ZEB2: variants seen among roughly 807,000 people sequenced by gnomAD.
ZEB2 encodes zinc finger E-box-binding homeobox 2.
A neutral mutation model predicts 99.9 loss-of-function variants in ZEB2; 6 were observed. The ratio of observed to expected loss-of-function variants is 0.06; its 90% CI spans 0.03 to 0.12. ZEB2 has a LOEUF of 0.12. ZEB2 is among the 10% of genes least tolerant of loss of function. The pLI is 1.00. For missense variants in ZEB2, 969 were observed against 1,502.8 expected (o/e 0.64, Z 5.87); for synonymous variants, 517 against 542.5 (o/e 0.95, Z 0.65).
At chr2:144,454,150 T>C (rs1704090114) in intron 2 of ZEB2, among the ~76,000 whole-genome samples, 1 of 152,238 alleles carries the variant, frequency 6.6e-6, no homozygotes, top group Non-Finnish European at 1.5e-5. Context: ...TTAAAGATGG[T>C]GTTTCCTCTT....
chr2:144,489,752 C>T (rs557171010), intron 2 of ZEB2, among the ~76,000 whole-genome samples: 1 of 152,278 alleles, frequency 6.6e-6, no homozygotes, highest in Admixed American at 6.5e-5. Context: ...AAACAGGGCA[C>T]GTTCGTTTAC....
At chr2:144,480,055 C>T (rs559497227) in intron 2 of ZEB2, among the ~76,000 whole-genome samples, 10 of 152,214 alleles carry the variant, frequency 6.6e-5, no homozygotes, top group East Asian at 1.9e-4. Flanking sequence ...TAGTAAACAA[C>T]GAATAAAATA....
At chr2:144,511,870 T>C (rs1705044460) in intron 2 of ZEB2, 1 of 1,287,152 alleles carries the variant, frequency 7.8e-7, no homozygotes, top group Non-Finnish European at 1.0e-6. Flanking sequence ...AATTATTTTT[T>C]TCAACCTTCA....
intron 9 of ZEB2, chr2:144,390,509 T>A (rs549984031): frequency 3.0e-5 from 7 of 233,662 alleles, no homozygotes; most frequent in South Asian, 2.6e-4. Flanking sequence ...AAGGGGATCT[T>A]AGGTCTTAAA....
At chr2:144,398,187 A>T in intron 8 of ZEB2, 114 bp downstream of exon 8, 3 of 1,404,074 alleles carry the variant, frequency 2.1e-6, no homozygotes, top group Non-Finnish European at 2.9e-6. Context: ...ATGTTAAAGC[A>T]AACTCTTCTG....
intron 4 of ZEB2, among the ~76,000 whole-genome samples, chr2:144,410,131 G>T (rs765718583): frequency 1.7e-4 from 26 of 151,950 alleles, no homozygotes; most frequent in Admixed American, 3.9e-4. Context: ...GGATGGTCTC[G>T]ATCTCCTGAC....
intron 8 of ZEB2, among the ~76,000 whole-genome samples, chr2:144,397,412 A>G (rs1412565215): frequency 1.3e-5 from 2 of 152,254 alleles, no homozygotes; most frequent in Non-Finnish European, 2.9e-5. Context: ...GTGCACTGCT[A>G]CTTATGCTCC....
intron 2 of ZEB2, among the ~76,000 whole-genome samples, chr2:144,484,721 C>T (rs554254664): frequency 6.6e-6 from 1 of 152,208 alleles, no homozygotes; most frequent in African/African-American, 2.4e-5. Flanking sequence ...ATCACCCTCT[C>T]TATGGTGCCA....
rs1553961683 is a variant in ZEB2, at chr2:144,399,518, C to G, written c.1669G>C (p.Glu557Gln). 1 of 1,614,178 alleles carries G rather than the reference C, an allele frequency of 6.2e-7. No individual in the cohort carries two copies. The highest frequency in any genetic ancestry group is 8.5e-7 in the Non-Finnish European group (1 of 1,180,018). ...AAATCTATTAAAGTACGTAGCTTCT[C>G]TTTCTTTATATTACTGATCTGTCTC... ...SRRQISNIKK[E>Q]KLRTLIDLVT... Residue 557 changes from glutamate to glutamine, a missense_variant, in exon 8 of 10, where the codon GAG becomes CAG. Glu to Gln is a conservative substitution (Grantham distance 29). This residue lies in a region of ZEB2 where 227 missense variants were observed against 278.2 expected (regional missense o/e 0.82). Coordinates refer to ENST00000627532, the MANE Select transcript of ZEB2 (RefSeq NM_014795.4). The surrounding 1 kb of genome is among the most constrained non-coding windows in gnomAD (Gnocchi z 5.6).
In ZEB2 at chr2:144,393,373, C is replaced by T. The variant is rs1023962716; in HGVS notation, c.3067+3039G>A. Among the ~76,000 whole-genome samples, 20 of 152,130 alleles carry T rather than the reference C, an allele frequency of 1.3e-4. No individual in the cohort carries two copies. The East Asian group carries it at 1.5e-3, about 12-fold the overall frequency. ...CTCATAATTTCCTTCTTAAGTTAAA[C>T]GATTCTATATGTAAAATTGTAGACA... On this transcript the variant is annotated intron_variant, in intron 9 of 9. Coordinates refer to ENST00000627532, the MANE Select transcript of ZEB2 (RefSeq NM_014795.4).
intron 4 of ZEB2, among the ~76,000 whole-genome samples, chr2:144,423,819 G>A (rs143166691): frequency 1.8e-4 from 27 of 152,214 alleles, no homozygotes; most frequent in Middle Eastern, 3.4e-3. Context: ...ATCATGATGT[G>A]TATCAACATA....
At chr2:144,494,209 A>T (rs949985454) in intron 2 of ZEB2, 5 of 151,988 alleles carry the variant, frequency 3.3e-5, no homozygotes, top group African/African-American at 9.6e-5. Context: ...AAACAGGAAT[A>T]TTTCACACAT....
At chr2:144,449,284 G>A (rs1319068259) in intron 2 of ZEB2, among the ~76,000 whole-genome samples, 1 of 152,166 alleles carries the variant, frequency 6.6e-6, no homozygotes, top group African/African-American at 2.4e-5. Flanking sequence ...ACAGAAGACA[G>A]GGGGAGCTAT....
intron 4 of ZEB2, among the ~76,000 whole-genome samples, chr2:144,410,496 A>G (rs1214542700): frequency 6.6e-6 from 1 of 152,234 alleles, no homozygotes; most frequent in Non-Finnish European, 1.5e-5. Flanking sequence ...CAGAACTCTA[A>G]ATAAAAGAGA....
intron 2 of ZEB2, among the ~76,000 whole-genome samples, chr2:144,452,441 T>C (rs1293272770): frequency 2.0e-5 from 3 of 152,090 alleles, no homozygotes; most frequent in African/African-American, 7.2e-5. Context: ...GCACAGATAT[T>C]ATAGATAAAG....
intron 4 of ZEB2, among the ~76,000 whole-genome samples, chr2:144,417,493 T>A (rs1349937095): frequency 3.3e-5 from 5 of 152,182 alleles, no homozygotes; most frequent in Admixed American, 3.3e-4. Context: ...ATGAGTGAGG[T>A]CAAGTGATAT....
At chr2:144,405,274 G>T in intron 4 of ZEB2, 1 of 536,332 alleles carries the variant, frequency 1.9e-6, no homozygotes, top group East Asian at 3.4e-5. Flanking sequence ...TGGAATATTA[G>T]TCTGTATATA....
rs930525890 is a variant in ZEB2, at chr2:144,389,142, T to C, written c.*309A>G. 1.7e-6 allele frequency: 1 copy of C among 577,616 alleles called. No homozygotes were observed. The highest frequency in any genetic ancestry group is 1.9e-5 in the African/African-American group (1 of 53,348). 35.8% of individuals were successfully genotyped at this position (577,616 alleles called of 1,614,324 possible). On this transcript the variant is annotated 3_prime_UTR_variant, in exon 10 of 10. Transcript: ENST00000627532. This position sits in a 1 kb window ranked among gnomAD's most constrained non-coding sequence, Gnocchi z 6.8. ...TTTAAAGTTTGTAGTGATACATAAG[T>C]AGAGTGCAATTCTTACAATTTTCTA... is the stretch of plus-strand genomic sequence containing the variant.
chr2:144,399,360 C>A lies in ZEB2; in HGVS notation c.1827G>T (p.Glu609Asp). The A allele has an allele frequency of 1.2e-6, 2 of 1,614,148 alleles. No individual in the cohort carries two copies. The highest frequency in any genetic ancestry group is 1.7e-6 in the Non-Finnish European group (2 of 1,180,018). Reference sequence around the variant, plus strand: ...CATGAGGCTGCAGGACCGCCTTGATCTCTTCATTCATCTTACAAAGGTAAC... The same window carrying A: ...CATGAGGCTGCAGGACCGCCTTGATATCTTCATTCATCTTACAAAGGTAAC... ...HERYLCKMNE[E>D]IKAVLQPHEN... is the part of the protein sequence containing the mutation. Residue 609 changes from glutamate (E) to aspartate (D), a missense_variant, in exon 8 of 10, where the codon GAG becomes GAT. Glu to Asp is a conservative substitution (Grantham distance 45, BLOSUM62 2). This residue lies in a region of ZEB2 where 346 missense variants were observed against 460.0 expected (regional missense o/e 0.75). Transcript: ENST00000627532. This position sits in a 1 kb window ranked among gnomAD's most constrained non-coding sequence, Gnocchi z 5.6.
Sources: gnomAD v4.1 joint callset for allele counts (sites outside exome capture counted in the v4.1 genomes callset) on GRCh38, gnomAD v4.1.1 for gene constraint, gnomAD v4.1.1 regional missense constraint, Gnocchi (gnomAD v3.1) non-coding constraint, MANE v1.5 for transcripts, NCBI Gene and HGNC (gene_info 2026-07-23, HGNC 2026-07-21) for gene names.